The following GNAI1 variants were observed in gnomAD, a reference collection of about 807,000 sequenced individuals.
GNAI1 encodes guanine nucleotide-binding protein G(i) subunit alpha-1.
In GNAI1, 11 loss-of-function variants were observed where a neutral mutation model predicts 38.9. The observed-to-expected ratio is 0.28, with a 90% CI of 0.18 to 0.47. The LOEUF is 0.47. GNAI1 is among the 20% of genes least tolerant of loss of function. GNAI1 has a pLI of 0.99. For synonymous variants in GNAI1, 166 were observed against 145.1 expected, an observed-to-expected ratio of 1.14 and a Z score of -1.04; for missense variants, 317 against 436.9, an observed-to-expected ratio of 0.73 and a Z score of 2.45.
intron 1 of GNAI1, among the ~76,000 whole-genome samples, chr7:80,186,023 C>CTTTTTT (rs533371119): frequency 3.9e-5 from 4 of 103,512 alleles, no homozygotes; most frequent in Admixed American, 2.2e-4. Flanking sequence ...CATCCGCACT[C>CTTTTTT]TTTTTTTTTT....
rs920933955 is a variant in GNAI1, at chr7:80,146,109, T to A, written c.118+10831T>A. On this transcript the variant is annotated intron_variant, in intron 1 of 7. Coordinates refer to ENST00000649796, the MANE Select transcript of GNAI1 (RefSeq NM_002069.6). ...ATACATGTTGCTGCCTAGGAGACTT[T>A]CTTAACCCAAACAGGCCCCACTGCC... Among the ~76,000 whole-genome samples the A allele has an allele frequency of 2.6e-5, 4 of 152,288 alleles. No individual in the cohort carries two copies. The East Asian group carries it at 7.7e-4, about 29-fold the overall frequency.
At chr7:80,183,538 A>G (rs1427393258) in intron 1 of GNAI1, among the ~76,000 whole-genome samples, 6 of 152,150 alleles carry the variant, frequency 3.9e-5, no homozygotes, top group Non-Finnish European at 8.8e-5. Context: ...TTGTAGCTGA[A>G]CAGCCTGTGA....
intron 3 of GNAI1, 78 bp downstream of exon 3, chr7:80,189,309 T>C (rs1256686464): frequency 1.6e-6 from 2 of 1,248,012 alleles, no homozygotes; most frequent in African/African-American, 1.5e-5. Context: ...CTGTGTAACA[T>C]AGGCTTGTCA....
chr7:80,143,236 A>G (rs1417978272), intron 1 of GNAI1, among the ~76,000 whole-genome samples: 2 of 152,214 alleles, frequency 1.3e-5, no homozygotes, highest in Non-Finnish European at 2.9e-5. Flanking sequence ...GAAATACAAT[A>G]TATACATAAA....
chr7:80,186,535 T>C (rs1788389278), intron 1 of GNAI1, among the ~76,000 whole-genome samples: 1 of 152,214 alleles, frequency 6.6e-6, no homozygotes, highest in Non-Finnish European at 1.5e-5. Flanking sequence ...TGTACATACA[T>C]AGTTCAACTG....
intron 1 of GNAI1, among the ~76,000 whole-genome samples, chr7:80,162,329 C>T (rs572239598): frequency 5.9e-5 from 9 of 152,144 alleles, no homozygotes; most frequent in African/African-American, 1.7e-4. Context: ...ATAATCTGCT[C>T]CTGTGCCAGG....
At chr7:80,208,827 G>T (rs1172396958) in intron 5 of GNAI1, among the ~76,000 whole-genome samples, 11 of 152,148 alleles carry the variant, frequency 7.2e-5, no homozygotes, top group Admixed American at 7.2e-4. Flanking sequence ...CTTAGAAGTT[G>T]CACCTTCCAC....
At chr7:80,155,810 A>G (rs2116113167) in intron 1 of GNAI1, among the ~76,000 whole-genome samples, 2 of 152,200 alleles carry the variant, frequency 1.3e-5, no homozygotes, top group East Asian at 3.9e-4. Context: ...TAATCCCAGC[A>G]CTTTGGGAGG....
intron 1 of GNAI1, among the ~76,000 whole-genome samples, chr7:80,185,619 T>A (rs1048159564): frequency 6.6e-6 from 1 of 152,122 alleles, no homozygotes; most frequent in African/African-American, 2.4e-5. Flanking sequence ...CTATCTCTGT[T>A]CGGTGGCCCT....
intron 4 of GNAI1, among the ~76,000 whole-genome samples, chr7:80,201,857 A>G (rs1192741087): frequency 6.6e-6 from 1 of 152,100 alleles, no homozygotes; most frequent in Admixed American, 6.5e-5. Context: ...TCTTAGAAAC[A>G]TTTTTCTCCA....
intron 5 of GNAI1, among the ~76,000 whole-genome samples, chr7:80,204,591 G>T (rs1056067133): frequency 6.6e-6 from 1 of 152,116 alleles, no homozygotes; most frequent in African/African-American, 2.4e-5. Flanking sequence ...GTTTTCATTT[G>T]CAGAGTCTTG....
Position 80,200,043 on chromosome 7 carries a change from G to A in GNAI1, c.461+661G>A, listed in dbSNP as rs559816872. 2.6e-5 allele frequency among the ~76,000 whole-genome samples: 4 copies of A among 151,662 alleles called. No individual in the cohort carries two copies. In the South Asian group the frequency reaches 8.3e-4, roughly 32 times the overall value. On this transcript the variant is annotated intron_variant, in intron 4 of 7. Transcript: ENST00000649796. ...AAACCTAATCAGGGAGGCTGGGTGAGGTGGCTCATTGCTTGTAATCCCAGC... is the reference window on the plus strand; with the variant it reads ...AAACCTAATCAGGGAGGCTGGGTGAAGTGGCTCATTGCTTGTAATCCCAGC...
In GNAI1 at chr7:80,212,697, T is replaced by C; in HGVS notation, c.721-19T>C. The C allele has an allele frequency of 6.9e-7, 1 of 1,451,948 alleles. No individual in the cohort carries two copies. Among genetic ancestry groups the C allele is most frequent in the Non-Finnish European group, 9.1e-7 (1 of 1,100,046 alleles). The allele number at this position is 1,451,948 out of a possible 1,614,324, so 89.9% of individuals were successfully genotyped here. A position where few individuals can be genotyped will look rare whatever the true frequency, so the allele number is the denominator to read the frequency against. On this transcript the variant is annotated intron_variant, in intron 6 of 7. Transcript: ENST00000649796. ...TCCTTGCTGTTAGTGACGATTGGTT[T>C]TATTTTTTTCTATTACAGAACCGAA...
chr7:80,186,023 CTTTTTT>C (rs533371119), intron 1 of GNAI1, among the ~76,000 whole-genome samples: 6 of 103,496 alleles, frequency 5.8e-5, no homozygotes, highest in South Asian at 6.6e-4. Context: ...CATCCGCACT[CTTTTTT>C]TTTTTTTTTT....
intron 1 of GNAI1, among the ~76,000 whole-genome samples, chr7:80,138,146 A>C (rs1583999176): frequency 6.6e-6 from 1 of 151,846 alleles, no homozygotes; most frequent in Non-Finnish European, 1.5e-5. Flanking sequence ...GATGTTTTTT[A>C]AATTTAAGGC....
At chr7:80,193,572 A>C (rs1788517397) in intron 3 of GNAI1, among the ~76,000 whole-genome samples, 1 of 152,154 alleles carries the variant, frequency 6.6e-6, no homozygotes. Flanking sequence ...AAAATTTTAG[A>C]AGCTTTACAA....
In GNAI1 at chr7:80,166,850, A is replaced by G. The variant is rs59673937; in HGVS notation, c.119-22101A>G. ...AAAAATGATTTGCTGCAGCTTCCCA[A>G]GCAGGTTCCAGGTGCTCTTCCCTTT... is the stretch of plus-strand genomic sequence containing the variant. On this transcript the variant is annotated intron_variant, in intron 1 of 7. Coordinates refer to ENST00000649796, the MANE Select transcript of GNAI1 (RefSeq NM_002069.6). Among the ~76,000 whole-genome samples the G allele has an allele frequency of 2.3e-3, 356 of 152,334 alleles. 1 individual carries two copies. Among genetic ancestry groups the G allele is most frequent in the African/African-American group, 8.0e-3 (334 of 41,570 alleles).
In GNAI1 at chr7:80,174,313, A is replaced by T. The variant is rs560820871; in HGVS notation, c.119-14638A>T. ...CATTGTTCTGAGTTTTAATTTTTTT[A>T]AATTTATTTTTTAAACAATATTTCT... On this transcript the variant is annotated intron_variant, in intron 1 of 7. Coordinates refer to ENST00000649796, the MANE Select transcript of GNAI1 (RefSeq NM_002069.6). Among the ~76,000 whole-genome samples the T allele has an allele frequency of 2.6e-3, 390 of 152,150 alleles. 2 individuals are homozygous for T. Among genetic ancestry groups the T allele is most frequent in the African/African-American group, 8.7e-3 (361 of 41,546 alleles).
chr7:80,217,726 C>G lies in GNAI1; in HGVS notation c.*233C>G, dbSNP rs1788998421. The G allele has an allele frequency of 3.3e-6, 1 of 304,664 alleles. No individual in the cohort carries two copies. Among genetic ancestry groups the G allele is most frequent in the Non-Finnish European group, 6.0e-6 (1 of 166,604 alleles). 18.9% of individuals were successfully genotyped at this position (304,664 alleles called of 1,614,324 possible). ...TGAAGGACAGTGTTAAAGCTGGGCT[C>G]TAGTATATTGATGATTTCTGCATAA... On this transcript the variant is annotated 3_prime_UTR_variant, in exon 8 of 8. Transcript: ENST00000649796.
Sources: gnomAD v4.1 joint callset for allele counts (sites outside exome capture counted in the v4.1 genomes callset) on GRCh38, gnomAD v4.1.1 for gene constraint, MANE v1.5 for transcripts, NCBI Gene and HGNC (gene_info 2026-07-23, HGNC 2026-07-21) for gene names.